Variants in GALNT14 observed in about 807,000 individuals in gnomAD.
GALNT14 encodes the protein UDP-GalNAc:polypeptide N-acetylgalactosaminyltransferase 14.
GALNT14 carries 60 observed loss-of-function variants against 77.5 expected under a neutral mutation model. The ratio of observed to expected loss-of-function variants is 0.77; its 90% CI spans 0.63 to 0.96. GALNT14 has a LOEUF of 0.96. Ranked by LOEUF, GALNT14 falls within the 40% of genes least tolerant of loss-of-function variation. The pLI, the probability that GALNT14 is intolerant of heterozygous loss-of-function variation, is 0.00. For missense variants in GALNT14, 710 were observed against 731.0 expected (o/e 0.97, Z 0.33); for synonymous variants, 280 against 281.7 (o/e 0.99, Z 0.06).
chr2:31,064,752 T>C (rs1655942228), intron 1 of GALNT14, among the ~76,000 whole-genome samples: 1 of 151,912 alleles, frequency 6.6e-6, no homozygotes, highest in African/African-American at 2.4e-5. Context: ...TGACATTGCT[T>C]CTCGGAAATG....
intron 1 of GALNT14, among the ~76,000 whole-genome samples, chr2:31,005,430 C>T (rs1238167220): frequency 1.3e-5 from 2 of 152,196 alleles, no homozygotes; most frequent in Non-Finnish European, 2.9e-5. Flanking sequence ...CTCCCAAGGA[C>T]AATACTAATC....
chr2:31,037,616 T>C (rs780634157), intron 1 of GALNT14, among the ~76,000 whole-genome samples: 1 of 152,162 alleles, frequency 6.6e-6, no homozygotes, highest in East Asian at 1.9e-4. Context: ...ATTCATATAA[T>C]GTGGAAACTA....
chr2:31,054,316 G>A (rs148400264), intron 1 of GALNT14, among the ~76,000 whole-genome samples: 14 of 152,270 alleles, frequency 9.2e-5, no homozygotes, highest in East Asian at 1.9e-4. Flanking sequence ...TGATCTTAGC[G>A]TGGCTGACTG....
chr2:31,100,961 G>C (rs752584132), intron 1 of GALNT14, among the ~76,000 whole-genome samples: 10 of 151,936 alleles, frequency 6.6e-5, no homozygotes, highest in Admixed American at 3.9e-4. Flanking sequence ...ATTCACTACT[G>C]TACTGAAAGT....
chr2:30,948,044 T>TATGTCA (rs1337276037), intron 6 of GALNT14, among the ~76,000 whole-genome samples: 1 of 152,198 alleles, frequency 6.6e-6, no homozygotes, highest in Admixed American at 6.5e-5. Flanking sequence ...GTCAACAGGA[T>TATGTCA]ACATGGATAC....
chr2:31,137,980 C>T lies in GALNT14; in HGVS notation c.107G>A (p.Gly36Glu). The T allele has an allele frequency of 6.2e-7, 1 of 1,613,612 alleles. No homozygotes were observed. Among genetic ancestry groups the T allele is most frequent in the Non-Finnish European group, 8.5e-7 (1 of 1,179,696 alleles). Residue 36 changes from glycine to glutamate, a missense_variant, in exon 1 of 15, where the codon GGA (glycine) becomes GAA (glutamate). Coordinates refer to ENST00000349752, the MANE Select transcript of GALNT14 (RefSeq NM_024572.4). ...TACCTTAGGGGTCTGCACTTCAGGT[C>T]CCGTCGGCACCTCCAACTTCCTCTT... Reference protein sequence around the residue: ...VTKRKLEVPTGPEVQTPKPSD... With the variant: ...VTKRKLEVPTEPEVQTPKPSD...
chr2:31,111,598 CAA>C (rs137928169), intron 1 of GALNT14, among the ~76,000 whole-genome samples: 1 of 151,992 alleles, frequency 6.6e-6, no homozygotes, highest in East Asian at 1.9e-4. Context: ...CCACAAATTG[CAA>C]AAAAAGCTCA....
intron 1 of GALNT14, among the ~76,000 whole-genome samples, chr2:31,060,486 T>C (rs749644633): frequency 2.6e-5 from 4 of 152,200 alleles, no homozygotes; most frequent in Non-Finnish European, 5.9e-5. Flanking sequence ...GGCAATTCCA[T>C]TCTGAATAGA....
chr2:30,897,217 G>A, the GALNT14 span, among the ~76,000 whole-genome samples: 2 of 152,028 alleles, frequency 1.3e-5, no homozygotes, highest in Non-Finnish European at 2.9e-5. Flanking sequence ...TTGTGCTCCC[G>A]TTGTTCTTAC....
At chr2:31,081,668 ACGTGG>A (rs1483399057) in intron 1 of GALNT14, among the ~76,000 whole-genome samples, 1 of 152,238 alleles carries the variant, frequency 6.6e-6, no homozygotes, top group African/African-American at 2.4e-5. Context: ...CAAGACTCAG[ACGTGG>A]CTGCAAAATT....
chr2:31,045,052 T>G (rs1673348557), intron 1 of GALNT14, among the ~76,000 whole-genome samples: 1 of 152,076 alleles, frequency 6.6e-6, no homozygotes, highest in East Asian at 1.9e-4. Context: ...AGGTCAGATG[T>G]CAGGATCCAT....
intron 9 of GALNT14, among the ~76,000 whole-genome samples, chr2:30,933,804 C>A (rs180924312): frequency 1.3e-5 from 2 of 152,240 alleles, no homozygotes; most frequent in African/African-American, 4.8e-5. Context: ...CTTAAGCTCG[C>A]GGAGGCCTGA....
At chr2:31,137,898 C>T in intron 1 of GALNT14, 60 bp downstream of exon 1, 5 of 1,550,950 alleles carry the variant, frequency 3.2e-6, no homozygotes, top group East Asian at 2.4e-5. Flanking sequence ...ACCCGGCACG[C>T]GGGCTGCGCG....
At chr2:31,029,611 G>T (rs769243831) in intron 1 of GALNT14, among the ~76,000 whole-genome samples, 1 of 152,020 alleles carries the variant, frequency 6.6e-6, no homozygotes, top group Non-Finnish European at 1.5e-5. Flanking sequence ...GCTGTCCTCC[G>T]CCCCTCTCTT....
intron 1 of GALNT14, among the ~76,000 whole-genome samples, chr2:31,081,221 G>C (rs1311057593): frequency 1.3e-5 from 2 of 152,194 alleles, no homozygotes; most frequent in Non-Finnish European, 2.9e-5. Context: ...TAAGGATAAG[G>C]CCTCGTGAAG....
intron 1 of GALNT14, among the ~76,000 whole-genome samples, chr2:31,059,020 T>A (rs372573433): frequency 4.6e-5 from 7 of 152,104 alleles, no homozygotes; most frequent in Admixed American, 3.9e-4. Context: ...AGAGATACGG[T>A]CATCTGCCTA....
intron 1 of GALNT14, chr2:31,132,734 C>A: frequency 2.1e-6 from 1 of 470,870 alleles, no homozygotes; most frequent in South Asian, 1.6e-5. Flanking sequence ...ATGAAAACAG[C>A]CGTTTGCCAA....
intron 1 of GALNT14, chr2:31,065,462 A>C (rs1189600922): frequency 6.6e-6 from 1 of 152,224 alleles, no homozygotes; most frequent in Non-Finnish European, 1.5e-5. Flanking sequence ...GAATTAAGGC[A>C]AATTAAATGC....
At chr2:31,012,759 C>G (rs1038912904) in intron 1 of GALNT14, among the ~76,000 whole-genome samples, 1 of 151,934 alleles carries the variant, frequency 6.6e-6, no homozygotes, top group African/African-American at 2.4e-5. Flanking sequence ...CAAAATGGAA[C>G]ACAGTATGAA....
Sources: allele counts gnomAD v4.1 joint callset (sites outside exome capture counted in the v4.1 genomes callset), GRCh38; gene constraint gnomAD v4.1.1; transcripts MANE v1.5; gene names NCBI Gene and HGNC (gene_info 2026-07-23, HGNC 2026-07-21).